ERC2: variants seen among roughly 807,000 people sequenced by gnomAD.
ERC2 encodes ERC protein 2.
ERC2 carries 42 observed loss-of-function variants against 114.8 expected under a neutral mutation model. The ratio of observed to expected loss-of-function variants is 0.37; its 90% CI spans 0.29 to 0.47. ERC2 has a LOEUF of 0.47. Among genes scored for constraint, ERC2 ranks in the 20% least tolerant of loss-of-function variants. The probability of loss-of-function intolerance (pLI) is 0.99; values close to 1 mark genes in which losing one functional copy is unlikely to be tolerated. For missense variants in ERC2, 939 were observed against 1,150.7 expected (o/e 0.82, Z 2.66); for synonymous variants, 454 against 425.5 (o/e 1.07, Z -0.82).
intron 11 of ERC2, among the ~76,000 whole-genome samples, chr3:55,988,991 T>G (rs1171305221): frequency 6.6e-6 from 1 of 152,214 alleles, no homozygotes; most frequent in Non-Finnish European, 1.5e-5. Flanking sequence ...GAGCCCTTTT[T>G]TTCCCAAGAA....
intron 17 of ERC2, among the ~76,000 whole-genome samples, chr3:55,520,398 T>C (rs1482441359): frequency 7.3e-6 from 1 of 136,468 alleles, no homozygotes; most frequent in East Asian, 2.1e-4. Context: ...ATCGTGCCAC[T>C]GCACTCCAGC....
At chr3:55,784,555 C>T (rs2069328035) in intron 14 of ERC2, among the ~76,000 whole-genome samples, 1 of 152,164 alleles carries the variant, frequency 6.6e-6, no homozygotes, top group African/African-American at 2.4e-5. Context: ...AAAACAGCCT[C>T]AACATGGTTT....
chr3:56,399,686 C>G (rs2060448861), intron 2 of ERC2, among the ~76,000 whole-genome samples: 1 of 151,756 alleles, frequency 6.6e-6, no homozygotes, highest in Non-Finnish European at 1.5e-5. Flanking sequence ...TTTTTTATTC[C>G]AAATAATGTA....
At chr3:55,809,836 T>A (rs532343094) in intron 14 of ERC2, among the ~76,000 whole-genome samples, 1 of 152,324 alleles carries the variant, frequency 6.6e-6, no homozygotes, top group South Asian at 2.1e-4. Context: ...GGAAAATGCA[T>A]GTATCAAGTG....
intron 14 of ERC2, among the ~76,000 whole-genome samples, chr3:55,769,937 C>A (rs2068074616): frequency 1.3e-5 from 2 of 152,202 alleles, no homozygotes; most frequent in African/African-American, 4.8e-5. Flanking sequence ...CTAATAGCAG[C>A]CAACATCCCC....
chr3:55,537,390 T>G (rs60626865), intron 17 of ERC2, among the ~76,000 whole-genome samples: 37,600 of 152,168 alleles, frequency 0.25, 4,708 homozygotes, highest in Middle Eastern at 0.35. Flanking sequence ...ATACCAGGCC[T>G]GAGACTTAAC....
intron 17 of ERC2, among the ~76,000 whole-genome samples, chr3:55,627,611 A>T (rs1160100832): frequency 6.6e-6 from 1 of 152,200 alleles, no homozygotes; most frequent in Non-Finnish European, 1.5e-5. Context: ...GGCAAGATTA[A>T]TGAGAAGATG....
At chr3:56,238,984 T>C (rs2051144818) in intron 3 of ERC2, among the ~76,000 whole-genome samples, 3 of 152,156 alleles carry the variant, frequency 2.0e-5, no homozygotes, top group Non-Finnish European at 2.9e-5. Flanking sequence ...ATAAAAAGGA[T>C]GTCATTAAGT....
intron 17 of ERC2, among the ~76,000 whole-genome samples, chr3:55,568,937 C>T (rs1344640399): frequency 6.6e-6 from 1 of 152,202 alleles, no homozygotes; most frequent in Non-Finnish European, 1.5e-5. Context: ...GGCACAGTCT[C>T]ACCTCAGGGG....
intron 15 of ERC2, among the ~76,000 whole-genome samples, chr3:55,715,600 C>G (rs1443541254): frequency 6.6e-6 from 1 of 152,094 alleles, no homozygotes; most frequent in Non-Finnish European, 1.5e-5. Flanking sequence ...AAGTCCTACC[C>G]TACAAAACAA....
chr3:56,041,963 C>T (rs2075217317), intron 7 of ERC2, among the ~76,000 whole-genome samples: 1 of 146,698 alleles, frequency 6.8e-6, no homozygotes, highest in Non-Finnish European at 1.5e-5. Flanking sequence ...TTTGAAAATA[C>T]CATCAATGAT....
chr3:55,514,706 C>T (rs1052058158), intron 17 of ERC2, among the ~76,000 whole-genome samples: 2 of 152,194 alleles, frequency 1.3e-5, no homozygotes, highest in African/African-American at 4.8e-5. Flanking sequence ...GAAATGAATT[C>T]TGCCAAAAAC....
At chr3:55,553,469 C>T (rs1290746543) in intron 17 of ERC2, among the ~76,000 whole-genome samples, 1 of 151,980 alleles carries the variant, frequency 6.6e-6, no homozygotes, top group Non-Finnish European at 1.5e-5. Flanking sequence ...AGGAACTGGC[C>T]CCAGTTCATG....
chr3:56,166,855 C>T (rs2082347446), intron 4 of ERC2, among the ~76,000 whole-genome samples: 2 of 151,998 alleles, frequency 1.3e-5, no homozygotes, highest in Non-Finnish European at 2.9e-5. Flanking sequence ...AGTTTTGGTG[C>T]TCCACTCTAG....
chr3:55,900,136 T>G (rs1464989530), intron 13 of ERC2, among the ~76,000 whole-genome samples: 1 of 152,194 alleles, frequency 6.6e-6, no homozygotes, highest in Admixed American at 6.5e-5. Flanking sequence ...AGAGCCCAAT[T>G]GTTGGTGACT....
chr3:56,009,767 G>A (rs553780988), intron 9 of ERC2, among the ~76,000 whole-genome samples: 1 of 152,312 alleles, frequency 6.6e-6, no homozygotes, highest in Admixed American at 6.5e-5. Context: ...GGGATCCCTT[G>A]AAGAATGGGG....
At chr3:55,870,922 T>C (rs2062555620) in intron 14 of ERC2, among the ~76,000 whole-genome samples, 1 of 152,186 alleles carries the variant, frequency 6.6e-6, no homozygotes, top group Admixed American at 6.5e-5. Flanking sequence ...CTAGCTTCCA[T>C]TGCAGCCAGG....
intron 17 of ERC2, among the ~76,000 whole-genome samples, chr3:55,545,786 G>A (rs1396624922): frequency 5.3e-5 from 8 of 152,170 alleles, no homozygotes; most frequent in African/African-American, 9.7e-5. Flanking sequence ...CACTGGGCCG[G>A]GTCCTCCTGC....
intron 17 of ERC2, among the ~76,000 whole-genome samples, chr3:55,559,389 C>T (rs2055849485): frequency 1.3e-5 from 2 of 152,258 alleles, no homozygotes; most frequent in Admixed American, 6.5e-5. Flanking sequence ...GGACTGAAGC[C>T]ATAGCTCCAG....
Sources: allele counts gnomAD v4.1 joint callset (sites outside exome capture counted in the v4.1 genomes callset), GRCh38; gene constraint gnomAD v4.1.1; transcripts MANE v1.5; gene names NCBI Gene and HGNC (gene_info 2026-07-23, HGNC 2026-07-21).